SYCE1L: variants seen among roughly 807,000 people sequenced by gnomAD.
The protein encoded by SYCE1L is synaptonemal complex central element protein 1 like.
In SYCE1L, 51 loss-of-function variants were observed where a neutral mutation model predicts 39.6. The ratio of observed to expected loss-of-function variants is 1.29; its 90% CI spans 1.03 to 1.63. The LOEUF (loss-of-function observed/expected upper bound fraction) is 1.63. SYCE1L is among the 40% of genes most tolerant of loss of function. The pLI, the probability that SYCE1L is intolerant of heterozygous loss-of-function variation, is 0.00. For missense variants in SYCE1L, 426 were observed against 304.9 expected, an observed-to-expected ratio of 1.40 and a Z score of -2.96; for synonymous variants, 147 against 122.4, an observed-to-expected ratio of 1.20 and a Z score of -1.33.
At chr16:77,204,366 T>C (rs1384827891) in intron 1 of SYCE1L, among the ~76,000 whole-genome samples, 1 of 152,178 alleles carries the variant, frequency 6.6e-6, no homozygotes, top group Non-Finnish European at 1.5e-5. Flanking sequence ...TTTGCAGTTA[T>C]GATTAGTTAA....
rs8398 is a variant in SYCE1L at position 77,199,441 on chromosome 16, C to G, written c.-11C>G. 1.3e-6 allele frequency: 2 copies of G among 1,551,176 alleles called. No homozygotes were observed. The highest frequency in any genetic ancestry group is 1.2e-5 in the South Asian group (1 of 84,034). ...TCAAGCGAGGCTCGCGCGCAGGCCCCGCGTTGGAAAATGGCGGGGAAGCTG... is the reference window on the plus strand; with the variant it reads ...TCAAGCGAGGCTCGCGCGCAGGCCCGGCGTTGGAAAATGGCGGGGAAGCTG... On this transcript the variant is annotated 5_prime_UTR_variant, in exon 1 of 11. Coordinates refer to ENST00000378644, the MANE Select transcript of SYCE1L (RefSeq NM_001129979.3).
intron 1 of SYCE1L, chr16:77,201,345 C>G (rs958199022): frequency 6.6e-6 from 1 of 152,146 alleles, no homozygotes; most frequent in African/African-American, 2.4e-5. Flanking sequence ...ATCAACCTTT[C>G]AAATTCCTCA....
At chr16:77,200,256 G>GTATATA (rs1211138188) in intron 1 of SYCE1L, 2 of 83,628 alleles carry the variant, frequency 2.4e-5, no homozygotes, top group African/African-American at 7.4e-5. Flanking sequence ...ATGTATATGT[G>GTATATA]TATATATATA....
chr16:77,204,429 A>G (rs936250353), intron 1 of SYCE1L, among the ~76,000 whole-genome samples: 3 of 152,196 alleles, frequency 2.0e-5, no homozygotes, highest in Admixed American at 6.5e-5. Flanking sequence ...TGGTGTCCTT[A>G]TAAGTAGAGG....
chr16:77,203,091 G>A (rs568212892), intron 1 of SYCE1L, among the ~76,000 whole-genome samples: 2 of 152,286 alleles, frequency 1.3e-5, no homozygotes, highest in Admixed American at 1.3e-4. Context: ...GGATTAAGGA[G>A]AGAAGAGAAA....
At chr16:77,203,733 T>C (rs1179963112) in intron 1 of SYCE1L, among the ~76,000 whole-genome samples, 1 of 152,026 alleles carries the variant, frequency 6.6e-6, no homozygotes, top group Non-Finnish European at 1.5e-5. Context: ...TAGCTGGGAT[T>C]ACAGGCGTGC....
Position 77,209,190 on chromosome 16 carries a change from A to G in SYCE1L, c.304+46A>G, listed in dbSNP as rs113419731. ...CTTCCTTATTCTACTCTTCCACCCCACAAAAGTCTATGCTCCTCAGAGCAG... is the reference window on the plus strand; with the variant it reads ...CTTCCTTATTCTACTCTTCCACCCCGCAAAAGTCTATGCTCCTCAGAGCAG... On this transcript the variant is annotated intron_variant, in intron 5 of 10. Coordinates refer to ENST00000378644, the MANE Select transcript of SYCE1L (RefSeq NM_001129979.3). The G allele has an allele frequency of 1.1e-3, 1,758 of 1,545,668 alleles. 25 individuals carry two copies. The African/African-American group carries it at 0.021, about 19-fold the overall frequency.
In SYCE1L at chr16:77,213,043, C is replaced by A; in HGVS notation, c.*112C>A. ...GCGGAGTCTGTGCTACACCGTGGAG[C>A]GGGGCGGGGCGTGCTGGGATCTCGA... On this transcript the variant is annotated 3_prime_UTR_variant, in exon 11 of 11. Coordinates refer to ENST00000378644, the MANE Select transcript of SYCE1L (RefSeq NM_001129979.3). The A allele has an allele frequency of 1.8e-6, 2 of 1,103,178 alleles. No homozygotes were observed. The highest frequency in any genetic ancestry group is 2.4e-6 in the Non-Finnish European group (2 of 848,734). The allele number at this position is 1,103,178 out of a possible 1,614,324, so 68.3% of individuals were successfully genotyped here.
chr16:77,201,978 A>G (rs544049810), intron 1 of SYCE1L: 7 of 152,150 alleles, frequency 4.6e-5, no homozygotes, highest in Non-Finnish European at 7.3e-5. Context: ...ATAAAGGCCT[A>G]AGTGATAACT....
At chr16:77,208,584 C>G in intron 4 of SYCE1L, 45 bp downstream of exon 4, 2 of 1,536,862 alleles carry the variant, frequency 1.3e-6, no homozygotes, top group Non-Finnish European at 1.8e-6. Flanking sequence ...GCAGATGTTC[C>G]TGTGCATACC....
intron 1 of SYCE1L, chr16:77,200,779 G>GA (rs1307161701): frequency 5.6e-5 from 7 of 124,774 alleles, no homozygotes; most frequent in African/African-American, 8.3e-5. Flanking sequence ...AAAACAAAAA[G>GA]AAAAAAATCT....
At chr16:77,204,675 A>G (rs1427781440) in intron 1 of SYCE1L, among the ~76,000 whole-genome samples, 2 of 152,220 alleles carry the variant, frequency 1.3e-5, no homozygotes, top group Admixed American at 6.5e-5. Flanking sequence ...GAATAAAAAG[A>G]TCACTGGTGT....
chr16:77,205,464 T>A (rs7202894), intron 1 of SYCE1L, among the ~76,000 whole-genome samples: 148,088 of 149,446 alleles, frequency 0.99, 73,388 homozygotes, highest in Middle Eastern at 1. Context: ...ACATACATAT[T>A]TACATAGAAG....
chr16:77,212,046 T>A, intron 7 of SYCE1L, 84 bp from the exon 8 acceptor site: 1 of 1,429,120 alleles, frequency 7.0e-7, no homozygotes, highest in Non-Finnish European at 9.4e-7. Context: ...AGGTGAAGAC[T>A]TCGCGAGAAG....
At chr16:77,209,492 T>A in intron 6 of SYCE1L, 21 bp downstream of exon 6, 1 of 1,551,622 alleles carries the variant, frequency 6.4e-7, no homozygotes, top group Non-Finnish European at 8.7e-7. Context: ...CTGCCTCAGC[T>A]CTTCCCTACC....
intron 1 of SYCE1L, chr16:77,200,256 G>GTATATATATATATATGTATATATATATA (rs2054720013): frequency 5.0e-4 from 42 of 83,598 alleles, no homozygotes; most frequent in African/African-American, 1.5e-3. Context: ...ATGTATATGT[G>GTATATATATATATATGTATATATATATA]TATATATATA....
rs1272446373 is a variant in SYCE1L at position 77,211,396 on chromosome 16, G to T, written c.423+120G>T. On this transcript the variant is annotated intron_variant, in intron 7 of 10. Coordinates refer to ENST00000378644, the MANE Select transcript of SYCE1L (RefSeq NM_001129979.3). ...GCCGCGGGATAGTCCTTGATTCCTT[G>T]CTTCCGCTTGCCCACCTATTCAGTC... 7.6e-6 allele frequency: 9 copies of T among 1,187,376 alleles called. No homozygotes were observed. In the East Asian group the frequency reaches 1.8e-4, roughly 24 times the overall value. 73.6% of individuals were successfully genotyped at this position (1,187,376 alleles called of 1,614,324 possible). A position where few individuals can be genotyped will look rare whatever the true frequency, so the allele number is the denominator to read the frequency against.
chr16:77,212,213 G>C lies in SYCE1L; in HGVS notation c.493+14G>C, dbSNP rs9924958. Reference sequence around the variant, plus strand: ...TGCTCTCGGAGAGTGAGCCTCCCGCGCCAGGTGGGCGGGGGGAGGGGGATG... The same window carrying C: ...TGCTCTCGGAGAGTGAGCCTCCCGCCCCAGGTGGGCGGGGGGAGGGGGATG... On this transcript the variant is annotated intron_variant, in intron 8 of 10. Transcript: ENST00000378644. 44,155 of 1,545,266 alleles carry C rather than the reference G, an allele frequency of 0.029. 757 individuals are homozygous for C. Among genetic ancestry groups the C allele is most frequent in the African/African-American group, 0.046 (3,361 of 72,900 alleles).
intron 7 of SYCE1L, among the ~76,000 whole-genome samples, chr16:77,211,574 G>C (rs1338736917): frequency 1.3e-5 from 2 of 152,156 alleles, no homozygotes; most frequent in African/African-American, 4.8e-5. Context: ...TGGCAGCCCA[G>C]GGAAAGCCAT....
Sources: allele counts gnomAD v4.1 joint callset (sites outside exome capture counted in the v4.1 genomes callset), GRCh38; gene constraint gnomAD v4.1.1; transcripts MANE v1.5; gene names NCBI Gene and HGNC (gene_info 2026-07-23, HGNC 2026-07-21).